NINL: variants seen among roughly 807,000 people sequenced by gnomAD.
NINL encodes ninein-like protein.
A neutral mutation model predicts 160.3 loss-of-function variants in NINL; 153 were observed. The ratio of observed to expected loss-of-function variants is 0.95; its 90% confidence interval spans 0.84 to 1.09. The LOEUF (loss-of-function observed/expected upper bound fraction) is 1.09. Among genes scored for constraint, NINL ranks in the 50% least tolerant of loss-of-function variants. The pLI is 0.00. For synonymous variants in NINL, 800 were observed against 734.8 expected (o/e 1.09, Z -1.43); for missense variants, 1,829 against 1,764.0 (o/e 1.04, Z -0.66).
At chr20:25,564,290 C>T (rs2064976740) in intron 1 of NINL, among the ~76,000 whole-genome samples, 2 of 151,994 alleles carry the variant, frequency 1.3e-5, no homozygotes, top group South Asian at 4.1e-4. Flanking sequence ...GCTGAGATTA[C>T]AGGCCTACTC....
intron 1 of NINL, among the ~76,000 whole-genome samples, chr20:25,543,629 T>C (rs1166106957): frequency 1.3e-5 from 2 of 152,338 alleles, no homozygotes; most frequent in Admixed American, 6.5e-5. Flanking sequence ...AGATGGGAAA[T>C]TGGCTGTCCG....
rs1391273730 is a variant in NINL at position 25,476,974 on chromosome 20, T to A, written c.2317A>T (p.Ser773Cys). 1 of 1,606,892 alleles carries A rather than the reference T, an allele frequency of 6.2e-7. No homozygotes were observed. The highest frequency in any genetic ancestry group is 1.3e-5 in the African/African-American group (1 of 75,026). Residue 773 changes from serine to cysteine, a missense_variant, in exon 17 of 24, where the codon AGC becomes TGC. Ser to Cys is a moderately radical substitution (Grantham distance 112). Coordinates refer to ENST00000278886, the MANE Select transcript of NINL (RefSeq NM_025176.6). The stretch of plus-strand genomic sequence containing the variant: ...AGCTCCAGCTGCTCCGACCTCTGGC[T>A]CCCGCGTGGCAGGGGTCCCTGCGGC... ...EPPQGPLPRG[S>C]QRSEQLELER...
chr20:25,538,651 G>A (rs1196098575), intron 1 of NINL, among the ~76,000 whole-genome samples: 2 of 152,166 alleles, frequency 1.3e-5, no homozygotes, highest in Admixed American at 6.5e-5. Context: ...GGTAGGACTG[G>A]GGAGCAAAGG....
At chr20:25,585,037 C>T (rs890668622) in intron 1 of NINL, among the ~76,000 whole-genome samples, 1 of 152,114 alleles carries the variant, frequency 6.6e-6, no homozygotes, top group Non-Finnish European at 1.5e-5. Flanking sequence ...CAGACGCCGG[C>T]GGCGTCAGGA....
chr20:25,512,172 C>T (rs2064082363), intron 4 of NINL, among the ~76,000 whole-genome samples: 1 of 152,184 alleles, frequency 6.6e-6, no homozygotes, highest in African/African-American at 2.4e-5. Context: ...GAAGCAACTT[C>T]CAAGGCCCCA....
intron 10 of NINL, among the ~76,000 whole-genome samples, chr20:25,491,818 G>T (rs1459417198): frequency 1.3e-5 from 2 of 152,214 alleles, no homozygotes; most frequent in Non-Finnish European, 2.9e-5. Flanking sequence ...GAGTCCCAAG[G>T]TGGCCCCTCC....
intron 1 of NINL, among the ~76,000 whole-genome samples, chr20:25,583,905 A>G (rs908428227): frequency 6.6e-6 from 1 of 152,204 alleles, no homozygotes; most frequent in Non-Finnish European, 1.5e-5. Flanking sequence ...GTTCTCACTC[A>G]TAAGTGGGAG....
At chr20:25,532,533 C>G (rs1388718628) in intron 1 of NINL, among the ~76,000 whole-genome samples, 1 of 152,222 alleles carries the variant, frequency 6.6e-6, no homozygotes, top group Non-Finnish European at 1.5e-5. Flanking sequence ...TACAGGCAGC[C>G]CCCACCACTT....
At chr20:25,517,034 G>T (rs1038867094) in intron 3 of NINL, among the ~76,000 whole-genome samples, 2 of 152,036 alleles carry the variant, frequency 1.3e-5, no homozygotes, top group African/African-American at 4.8e-5. Flanking sequence ...GGGTTAAATG[G>T]ACTCTTTGTA....
At chr20:25,529,473 C>T (rs921876697) in intron 1 of NINL, among the ~76,000 whole-genome samples, 8 of 151,644 alleles carry the variant, frequency 5.3e-5, no homozygotes, top group Non-Finnish European at 1.2e-4. Context: ...AAGGGCCTGC[C>T]CTATTTGCTA....
At chr20:25,493,196 T>A (rs1402410028) in intron 10 of NINL, among the ~76,000 whole-genome samples, 2 of 152,170 alleles carry the variant, frequency 1.3e-5, no homozygotes, top group South Asian at 4.1e-4. Flanking sequence ...AAACTGAGTA[T>A]GAGTCAACTT....
rs763481902 is a variant in NINL at position 25,505,090 on chromosome 20, G to A, written c.518-12C>T. On this transcript the variant is annotated splice_polypyrimidine_tract_variant and intron_variant, in intron 5 of 23. Transcript: ENST00000278886. ...GGTCTGCAGCTGTCCTGAAGCAAGG[G>A]AGGAGTCACAGTTACACCCTGATAC... 3.8e-6 allele frequency: 6 copies of A among 1,561,850 alleles called. No individual in the cohort carries two copies. The Admixed American group carries it at 1.1e-4, about 29-fold the overall frequency.
chr20:25,577,661 C>G, intron 1 of NINL, among the ~76,000 whole-genome samples: 1 of 152,144 alleles, frequency 6.6e-6, no homozygotes, highest in Non-Finnish European at 1.5e-5. Context: ...CTGACACCAC[C>G]CATGACTCTA....
chr20:25,498,916 A>C, intron 8 of NINL: 2 of 985,440 alleles, frequency 2.0e-6, no homozygotes, highest in Non-Finnish European at 2.4e-6. Context: ...CCGGCATTTT[A>C]CTGAAACAAC....
chr20:25,488,082 G>A (rs1174343436), intron 13 of NINL, among the ~76,000 whole-genome samples: 1 of 152,226 alleles, frequency 6.6e-6, no homozygotes, highest in African/African-American at 2.4e-5. Flanking sequence ...CTCTGAACCT[G>A]AACAATCAAT....
intron 5 of NINL, among the ~76,000 whole-genome samples, chr20:25,506,897 A>C (rs980198767): frequency 6.6e-6 from 1 of 152,138 alleles, no homozygotes; most frequent in African/African-American, 2.4e-5. Context: ...CTCTAGAAAA[A>C]ATATATATAT....
At chr20:25,493,081 A>G (rs946419102) in intron 10 of NINL, among the ~76,000 whole-genome samples, 2 of 152,280 alleles carry the variant, frequency 1.3e-5, no homozygotes, top group South Asian at 4.2e-4. Context: ...AGTGTTTCCA[A>G]TCCTCTAACC....
At chr20:25,500,784 C>T in intron 8 of NINL, 56 bp downstream of exon 8, 2 of 1,572,228 alleles carry the variant, frequency 1.3e-6, no homozygotes, top group Non-Finnish European at 1.7e-6. Context: ...TCCTCCTCTG[C>T]AGCAGACGGG....
intron 1 of NINL, among the ~76,000 whole-genome samples, chr20:25,577,913 A>G (rs2065134816): frequency 6.6e-6 from 1 of 151,282 alleles, no homozygotes; most frequent in Admixed American, 6.6e-5. Context: ...GCTCACTGCA[A>G]TCTCCACCTC....
Sources: gnomAD v4.1 joint callset for allele counts (sites outside exome capture counted in the v4.1 genomes callset) on GRCh38, gnomAD v4.1.1 for gene constraint, MANE v1.5 for transcripts, NCBI Gene and HGNC (gene_info 2026-07-23, HGNC 2026-07-21) for gene names.